Variants in WSCD1 observed in about 807,000 individuals in gnomAD.
WSCD1 encodes WSC domain sialate O sulfotransferase 1, also known as sialate:O-sulfotransferase 1.
In WSCD1, 41 loss-of-function variants were observed where a neutral mutation model predicts 60.4. That is an observed-to-expected ratio of 0.68 (90% confidence interval 0.53 to 0.88). WSCD1 has a LOEUF of 0.88. Among genes scored for constraint, WSCD1 ranks in the 40% least tolerant of loss-of-function variants. The pLI is 0.00. For missense variants in WSCD1, 784 were observed against 796.2 expected, an observed-to-expected ratio of 0.98 and a Z score of 0.18; for synonymous variants, 361 against 332.5, an observed-to-expected ratio of 1.09 and a Z score of -0.93.
intron 5 of WSCD1, among the ~76,000 whole-genome samples, chr17:6,108,157 C>G (rs1911205939): frequency 6.6e-6 from 1 of 152,206 alleles, no homozygotes; most frequent in Non-Finnish European, 1.5e-5. Flanking sequence ...GCCCCAGGCC[C>G]TGCGTCATCT....
intron 8 of WSCD1, 108 bp from the exon 9 acceptor site, chr17:6,120,200 TG>T: frequency 8.4e-7 from 1 of 1,184,136 alleles, no homozygotes; most frequent in Non-Finnish European, 1.2e-6. Flanking sequence ...CTCTAGGCAG[TG>T]GACAGTGGAA....
intron 4 of WSCD1, 76 bp downstream of exon 4, chr17:6,090,581 C>T: frequency 6.5e-7 from 1 of 1,546,838 alleles, no homozygotes; most frequent in Non-Finnish European, 8.7e-7. Context: ...CACAACCTCT[C>T]AATGAAACTA....
chr17:6,074,898 G>C (rs922821713), intron 1 of WSCD1, among the ~76,000 whole-genome samples: 16 of 152,120 alleles, frequency 1.1e-4, no homozygotes, highest in African/African-American at 3.6e-4. Context: ...GTCTTTTGGA[G>C]AGGGGATGGG....
intron 3 of WSCD1, among the ~76,000 whole-genome samples, chr17:6,088,854 C>T (rs1909831240): frequency 6.6e-6 from 1 of 151,658 alleles, no homozygotes; most frequent in African/African-American, 2.4e-5. Context: ...GCGATCTCCA[C>T]TCACTGCAAG....
chr17:6,105,843 A>G (rs12185234), intron 5 of WSCD1, among the ~76,000 whole-genome samples: 77,748 of 151,868 alleles, frequency 0.51, 21,312 homozygotes, highest in East Asian at 0.86. Flanking sequence ...CAGGAATCCC[A>G]GGACAGCAGA....
chr17:6,108,154 G>A (rs894500026), intron 5 of WSCD1, among the ~76,000 whole-genome samples: 7 of 152,148 alleles, frequency 4.6e-5, no homozygotes, highest in Admixed American at 3.3e-4. Flanking sequence ...AATGCCCCAG[G>A]CCCTGCGTCA....
Position 6,118,678 on chromosome 17 carries a change from A to G in WSCD1, c.1375+490A>G, listed in dbSNP as rs1904452995. ...ATGTGCCTGCCTGGTCTCTGGTCAG[A>G]GCTCAGCATGTTAATTCCCTCCTAA... On this transcript the variant is annotated intron_variant, in intron 8 of 8. Transcript: ENST00000317744. This position sits in a 1 kb window ranked among gnomAD's most constrained non-coding sequence, Gnocchi z 5.8. Among the ~76,000 whole-genome samples, 1 of 152,156 alleles carries G rather than the reference A, an allele frequency of 6.6e-6. No homozygotes were observed. Among genetic ancestry groups the G allele is most frequent in the African/African-American group, 2.4e-5 (1 of 41,444 alleles).
rs180746420 is a variant in WSCD1, at chr17:6,116,135, T to C, written c.1175-1853T>C. ...AAGTGGCCACATGAGCACATGGCCC[T>C]GTCCACTCTGGCTTAGTCCCCTAGG... On this transcript the variant is annotated intron_variant, in intron 7 of 8. Transcript: ENST00000317744. Among the ~76,000 whole-genome samples the C allele has an allele frequency of 8.5e-5, 13 of 152,320 alleles. No individual in the cohort carries two copies. In the East Asian group the frequency reaches 2.5e-3, roughly 29 times the overall value.
chr17:6,088,354 CTGGGTGCTGGGAGCT>C (rs1909796858), intron 3 of WSCD1, among the ~76,000 whole-genome samples: 1 of 151,898 alleles, frequency 6.6e-6, no homozygotes, highest in Admixed American at 6.6e-5. Flanking sequence ...GGGTGATGAC[CTGGGTGCTGGGAGCT>C]TGGGTGCTGG....
chr17:6,108,016 C>A (rs907817734), intron 5 of WSCD1, among the ~76,000 whole-genome samples: 13 of 152,076 alleles, frequency 8.5e-5, no homozygotes, highest in Admixed American at 8.5e-4. Flanking sequence ...TCGGGAGAGG[C>A]TTTCCTTGGG....
chr17:6,088,910 G>A (rs977436075), intron 3 of WSCD1, among the ~76,000 whole-genome samples: 2 of 151,706 alleles, frequency 1.3e-5, no homozygotes, highest in Non-Finnish European at 2.9e-5. Context: ...AGCCTCCCGA[G>A]TAGCTGGGAC....
chr17:6,087,536 T>C (rs1194013111), intron 2 of WSCD1, among the ~76,000 whole-genome samples: 3 of 152,230 alleles, frequency 2.0e-5, no homozygotes, highest in African/African-American at 7.2e-5. Flanking sequence ...AAAATCAAAC[T>C]TGCCCTAACT....
rs371965500 is a variant in WSCD1, at chr17:6,109,767, G to A, written c.1009+1G>A. Reference sequence around the variant, plus strand: ...GAGGTCTACCAGACACCTGTGCAAGGTGGGTTCTGCATCCCCGACTGGTAG... The same window carrying A: ...GAGGTCTACCAGACACCTGTGCAAGATGGGTTCTGCATCCCCGACTGGTAG... On this transcript the variant is annotated splice_donor_variant, in intron 6 of 8. Coordinates refer to ENST00000317744, the MANE Select transcript of WSCD1 (RefSeq NM_015253.2). LOFTEE classifies it high-confidence loss of function. 3.1e-6 allele frequency: 5 copies of A among 1,610,400 alleles called. No homozygotes were observed. The highest frequency in any genetic ancestry group is 4.2e-6 in the Non-Finnish European group (5 of 1,177,110).
At chr17:6,111,700 CAAAAAAAAAAAA>C (rs111930086) in intron 7 of WSCD1, among the ~76,000 whole-genome samples, 4 of 41,272 alleles carry the variant, frequency 9.7e-5, no homozygotes, top group South Asian at 1.5e-3. Flanking sequence ...CACTCCGTCT[CAAAAAAAAAAAA>C]AAAAAAAAAA....
chr17:6,069,605 G>T (rs960812596), upstream of WSCD1, among the ~76,000 whole-genome samples: 3 of 152,062 alleles, frequency 2.0e-5, no homozygotes, highest in Non-Finnish European at 2.9e-5. Flanking sequence ...CGACCCCCGA[G>T]TGTGTAGACG....
chr17:6,117,941 C>A, intron 7 of WSCD1, 47 bp from the exon 8 acceptor site: 1 of 1,597,434 alleles, frequency 6.3e-7, no homozygotes, highest in South Asian at 1.1e-5. Flanking sequence ...GGTAGGGTGC[C>A]CCATGGACAC....
Position 6,080,751 on chromosome 17 carries a change from CCTG to C in WSCD1, c.104_106del (p.Leu35del), listed in dbSNP as rs776346748. 2 of 1,612,058 alleles carry C rather than the reference CCTG, an allele frequency of 1.2e-6. No homozygotes were observed. The highest frequency in any genetic ancestry group is 1.7e-6 in the Non-Finnish European group (2 of 1,179,634). The stretch of plus-strand genomic sequence containing the variant: ...CGGCTGCCTACCTGATGACCGGCAG[CCTG>C]CTGCTGCTGCAGCGGGTCCGCGTGG... On this transcript the variant is annotated inframe_deletion, in exon 2 of 9. Transcript: ENST00000317744. This position sits in a 1 kb window ranked among gnomAD's most constrained non-coding sequence, Gnocchi z 6.6.
Position 6,118,777 on chromosome 17 carries a change from G to A in WSCD1, c.1375+589G>A, listed in dbSNP as rs1416941395. On this transcript the variant is annotated intron_variant, in intron 8 of 8. Coordinates refer to ENST00000317744, the MANE Select transcript of WSCD1 (RefSeq NM_015253.2). The surrounding 1 kb of genome is among the most constrained non-coding windows in gnomAD (Gnocchi z 5.8). ...GCCCTACATTCCAGATGAGCCCAGAGAACATGGCTGCAGGACTTGGCCTTG... is the reference window on the plus strand; with the variant it reads ...GCCCTACATTCCAGATGAGCCCAGAAAACATGGCTGCAGGACTTGGCCTTG... 1.3e-5 allele frequency among the ~76,000 whole-genome samples: 2 copies of A among 152,204 alleles called. No homozygotes were observed. Among genetic ancestry groups the A allele is most frequent in the African/African-American group, 2.4e-5 (1 of 41,450 alleles).
At chr17:6,079,280 G>A (rs1909073723) in intron 1 of WSCD1, among the ~76,000 whole-genome samples, 2 of 152,222 alleles carry the variant, frequency 1.3e-5, no homozygotes, top group Non-Finnish European at 2.9e-5. Flanking sequence ...CCCGGACCAA[G>A]TTAGTTACGG....
Sources: allele counts gnomAD v4.1 joint callset (sites outside exome capture counted in the v4.1 genomes callset), GRCh38; gene constraint gnomAD v4.1.1; non-coding constraint Gnocchi (gnomAD v3.1); transcripts MANE v1.5; gene names NCBI Gene and HGNC (gene_info 2026-07-23, HGNC 2026-07-21).